ITGBL1: variants seen among roughly 807,000 people sequenced by gnomAD.
The protein encoded by ITGBL1 is integrin beta-like protein 1.
Under a neutral mutation model 68.5 loss-of-function variants are expected in ITGBL1, and 51 were observed. The observed-to-expected ratio is 0.74, with a 90% CI of 0.59 to 0.94. The LOEUF is 0.94. Among genes scored for constraint, ITGBL1 ranks in the 40% least tolerant of loss-of-function variants. The probability of loss-of-function intolerance (pLI) is 0.00; values close to 1 mark genes in which losing one functional copy is unlikely to be tolerated. For missense variants in ITGBL1, 649 were observed against 647.4 expected (o/e 1.00, Z -0.03); for synonymous variants, 209 against 227.3 (o/e 0.92, Z 0.72).
chr13:101,565,982 C>T (rs2050177557), intron 2 of ITGBL1, among the ~76,000 whole-genome samples: 1 of 152,088 alleles, frequency 6.6e-6, no homozygotes, highest in South Asian at 2.1e-4. Context: ...CTTTGACCCA[C>T]AAATTATTTC....
intron 2 of ITGBL1, among the ~76,000 whole-genome samples, chr13:101,477,019 C>T (rs1163815188): frequency 1.3e-5 from 2 of 152,026 alleles, no homozygotes; most frequent in Non-Finnish European, 2.9e-5. Context: ...TTTCCAAGAA[C>T]ATCGATGGCT....
intron 7 of ITGBL1, among the ~76,000 whole-genome samples, chr13:101,620,232 A>G (rs879473076): frequency 2.6e-5 from 4 of 152,168 alleles, no homozygotes; most frequent in Non-Finnish European, 5.9e-5. Flanking sequence ...TGCAGGGTTT[A>G]CATTTTGGGA....
intron 7 of ITGBL1, among the ~76,000 whole-genome samples, chr13:101,621,412 A>G (rs2031577942): frequency 6.6e-6 from 1 of 152,122 alleles, no homozygotes; most frequent in South Asian, 2.1e-4. Flanking sequence ...ATTCCAGCAA[A>G]ATGAAAACAT....
intron 2 of ITGBL1, among the ~76,000 whole-genome samples, chr13:101,556,678 A>G (rs1370200651): frequency 6.6e-6 from 1 of 152,024 alleles, no homozygotes; most frequent in African/African-American, 2.4e-5. Flanking sequence ...ACATGACTGG[A>G]GAAGGCCATG....
intron 2 of ITGBL1, among the ~76,000 whole-genome samples, chr13:101,550,527 G>A (rs2139210728): frequency 6.6e-6 from 1 of 152,230 alleles, no homozygotes; most frequent in Admixed American, 6.5e-5. Flanking sequence ...GCCCCTTGAC[G>A]CTGATTCAAG....
chr13:101,647,148 T>G (rs16959230), intron 7 of ITGBL1, among the ~76,000 whole-genome samples: 16,268 of 152,184 alleles, frequency 0.11, 1,177 homozygotes, highest in African/African-American at 0.21. Context: ...ATATATGAAG[T>G]CAATTTCTAG....
chr13:101,633,534 A>G (rs184420842), intron 7 of ITGBL1, among the ~76,000 whole-genome samples: 25 of 152,256 alleles, frequency 1.6e-4, no homozygotes, highest in Admixed American at 9.8e-4. Flanking sequence ...TTGTCAGCCA[A>G]AAAAACCAAG....
intron 2 of ITGBL1, among the ~76,000 whole-genome samples, chr13:101,557,805 G>A (rs923199788): frequency 6.6e-6 from 1 of 151,968 alleles, no homozygotes; most frequent in South Asian, 2.1e-4. Flanking sequence ...AATGCCTCAT[G>A]AGGGGCCGGG....
chr13:101,641,910 A>G (rs1281538169), intron 7 of ITGBL1, among the ~76,000 whole-genome samples: 2 of 151,840 alleles, frequency 1.3e-5, no homozygotes, highest in African/African-American at 4.9e-5. Context: ...TTTTATGGCT[A>G]CATAGTATTC....
At chr13:101,670,596 T>C (rs961997109) in intron 7 of ITGBL1, among the ~76,000 whole-genome samples, 1 of 152,218 alleles carries the variant, frequency 6.6e-6, no homozygotes, top group Non-Finnish European at 1.5e-5. Context: ...CATGATGACA[T>C]GTGATTCTGT....
intron 2 of ITGBL1, among the ~76,000 whole-genome samples, chr13:101,499,557 C>G (rs144774155): frequency 6.6e-6 from 1 of 152,172 alleles, no homozygotes; most frequent in Non-Finnish European, 1.5e-5. Flanking sequence ...CTATAAAATG[C>G]CCTGACTCAC....
At chr13:101,527,166 A>G (rs564777604) in intron 2 of ITGBL1, among the ~76,000 whole-genome samples, 55 of 152,220 alleles carry the variant, frequency 3.6e-4, no homozygotes, top group African/African-American at 1.2e-3. Flanking sequence ...TATTGCCCAT[A>G]CATGCATGTT....
downstream of ITGBL1, chr13:101,719,720 T>C (rs1255273917): frequency 6.6e-6 from 1 of 152,050 alleles, no homozygotes; most frequent in Non-Finnish European, 1.5e-5. Context: ...AATGGAGTAT[T>C]ATAGAGACTT....
chr13:101,659,039 AT>A (rs55935871), intron 7 of ITGBL1, among the ~76,000 whole-genome samples: 135 of 103,840 alleles, frequency 1.3e-3, no homozygotes, highest in African/African-American at 3.0e-3. Context: ...TGGTGATTGA[AT>A]TTTTTTTTTT....
intron 3 of ITGBL1, among the ~76,000 whole-genome samples, chr13:101,568,144 G>A (rs1324234361): frequency 6.6e-6 from 1 of 152,094 alleles, no homozygotes; most frequent in African/African-American, 2.4e-5. Flanking sequence ...GATTACATCT[G>A]TTAAAAAGGA....
chr13:101,708,026 A>AAC (rs3062945), intron 9 of ITGBL1, among the ~76,000 whole-genome samples: 6,768 of 144,252 alleles, frequency 0.047, 160 homozygotes, highest in Middle Eastern at 0.073. Flanking sequence ...CACACATGCA[A>AAC]ACACACACAC....
intron 7 of ITGBL1, among the ~76,000 whole-genome samples, chr13:101,602,112 A>G (rs183569048): frequency 6.6e-6 from 1 of 152,042 alleles, no homozygotes; most frequent in Non-Finnish European, 1.5e-5. Context: ...GTTCAGTTCA[A>G]TGTTACATTA....
Position 101,453,860 on chromosome 13 carries a change from C to A in ITGBL1, c.99-23C>A, listed in dbSNP as rs1475639341. ...CGGCGTCCGCGTCTGACCCGGCCTGCCGGTTGCTTGTCGCCCGCGCAGGAG... is the reference window on the plus strand; with the variant it reads ...CGGCGTCCGCGTCTGACCCGGCCTGACGGTTGCTTGTCGCCCGCGCAGGAG... On this transcript the variant is annotated intron_variant, in intron 1 of 10. Transcript: ENST00000376180. 5 of 1,232,458 alleles carry A rather than the reference C, an allele frequency of 4.1e-6. No homozygotes were observed. In the East Asian group the frequency reaches 1.6e-4, roughly 41 times the overall value. 76.3% of individuals were successfully genotyped at this position (1,232,458 alleles called of 1,614,324 possible).
At chr13:101,688,738 A>G (rs894999446) in intron 7 of ITGBL1, among the ~76,000 whole-genome samples, 2 of 152,240 alleles carry the variant, frequency 1.3e-5, no homozygotes, top group Non-Finnish European at 2.9e-5. Flanking sequence ...GACCATGGAA[A>G]ACACAAATGA....
Sources: allele counts gnomAD v4.1 joint callset (sites outside exome capture counted in the v4.1 genomes callset), GRCh38; gene constraint gnomAD v4.1.1; transcripts MANE v1.5; gene names NCBI Gene and HGNC (gene_info 2026-07-23, HGNC 2026-07-21).